The following LRRCC1 variants were observed in gnomAD, a reference collection of about 807,000 sequenced individuals.
The protein encoded by LRRCC1 is leucine rich repeat and coiled-coil centrosomal protein 1, also known as leucine-rich repeat and coiled-coil domain-containing protein 1.
LRRCC1 carries 115 observed loss-of-function variants against 126.0 expected under a neutral mutation model. The ratio of observed to expected loss-of-function variants is 0.91; its 90% confidence interval spans 0.78 to 1.07. The LOEUF (loss-of-function observed/expected upper bound fraction) is 1.07, where lower values mean the gene tolerates loss of function less well. Among genes scored for constraint, LRRCC1 ranks in the 50% least tolerant of loss-of-function variants. LRRCC1 has a pLI of 0.00. For synonymous variants in LRRCC1, 400 were observed against 393.4 expected (o/e 1.02, Z -0.20); for missense variants, 1,172 against 1,175.7 (o/e 1.00, Z 0.05).
At chr8:85,109,996 G>A (rs1043397432) in intron 2 of LRRCC1, 119 bp from the exon 3 acceptor site, 10 of 606,942 alleles carry the variant, frequency 1.6e-5, no homozygotes, top group East Asian at 3.0e-5. Context: ...AATTGATTTC[G>A]CTGTTACCAG....
chr8:85,136,091 G>C, intron 14 of LRRCC1, 128 bp downstream of exon 14: 4 of 696,422 alleles, frequency 5.7e-6, no homozygotes, highest in Middle Eastern at 3.8e-4. Context: ...TTATCTGGAA[G>C]GATAAGTAGG....
chr8:85,138,978 G>A (rs774335623), intron 17 of LRRCC1, among the ~76,000 whole-genome samples: 2 of 152,032 alleles, frequency 1.3e-5, no homozygotes, highest in East Asian at 1.9e-4. Context: ...GCCAGGAGGC[G>A]GAGGTTGCAG....
intron 11 of LRRCC1, 58 bp from the exon 12 acceptor site, chr8:85,131,702 A>T: frequency 7.4e-7 from 1 of 1,344,610 alleles, no homozygotes; most frequent in Non-Finnish European, 1.0e-6. Flanking sequence ...AAAGACCTTT[A>T]AAATGTTTCT....
chr8:85,118,082 A>G (rs1809258260), intron 6 of LRRCC1, among the ~76,000 whole-genome samples: 1 of 152,028 alleles, frequency 6.6e-6, no homozygotes, highest in South Asian at 2.1e-4. Flanking sequence ...TGTCTACCAT[A>G]TATTATTTAA....
In LRRCC1 at chr8:85,114,015, T is replaced by C. The variant is rs185429029; in HGVS notation, c.544+916T>C. 9.3e-4 allele frequency among the ~76,000 whole-genome samples: 142 copies of C among 152,240 alleles called. 1 individual carries two copies. The highest frequency in any genetic ancestry group is 6.8e-3 in the Middle Eastern group (2 of 294). ...AACTATAAGAAGGCTTTTTGCAGCA[T>C]GGAAACCTGTGTTGGTAATTTTATT... On this transcript the variant is annotated intron_variant, in intron 4 of 18. Transcript: ENST00000360375.
At chr8:85,114,303 T>C (rs1022610113) in intron 4 of LRRCC1, among the ~76,000 whole-genome samples, 1 of 151,984 alleles carries the variant, frequency 6.6e-6, no homozygotes, top group Admixed American at 6.5e-5. Context: ...TCACTTTTTT[T>C]CCTAAATTAG....
At position 85,124,912 on chromosome 8, in the gene LRRCC1, A is replaced by G; in HGVS notation, c.1245A>G (p.Gln415=). Residue 415 remains glutamine (Q), a synonymous_variant, in exon 8 of 19, where the codon CAA becomes CAG. Transcript: ENST00000360375. ...KPKTEIIKVD[Q]SHSEDNTYQS... The stretch of plus-strand genomic sequence containing the variant: ...AGACTGAAATAATTAAAGTAGACCA[A>G]AGTCACTCAGAAGACAACACTTACC... The G allele has an allele frequency of 6.2e-7, 1 of 1,605,742 alleles. No homozygotes were observed. The highest frequency in any genetic ancestry group is 8.5e-7 in the Non-Finnish European group (1 of 1,176,666).
intron 6 of LRRCC1, among the ~76,000 whole-genome samples, chr8:85,120,317 G>C (rs566020431): frequency 2.0e-5 from 3 of 151,696 alleles, no homozygotes; most frequent in African/African-American, 4.8e-5. Context: ...GAGGTGGGGG[G>C]GTTGATCTAG....
At position 85,109,688 on chromosome 8, in the gene LRRCC1, T is replaced by C; in HGVS notation, c.198T>C (p.Asn66=). ...SKIEAIDHIW[N]LQHLDLSSNQ... ...TCGAAGCCATTGATCATATTTGGAA[T>C]TTACAACATCTAGATCTGTCATCTA... The change falls in exon 2 of 19, where the codon AAT becomes AAC. Residue 66 remains asparagine, a synonymous_variant. Transcript: ENST00000360375. The C allele has an allele frequency of 6.2e-7, 1 of 1,608,130 alleles. No homozygotes were observed. The highest frequency in any genetic ancestry group is 8.5e-7 in the Non-Finnish European group (1 of 1,174,788).
At position 85,137,855 on chromosome 8, in the gene LRRCC1, T is replaced by C. The variant is rs560140302; in HGVS notation, c.2494-180T>C. On this transcript the variant is annotated intron_variant, in intron 15 of 18. Transcript: ENST00000360375. ...CTTCAGAATTTAATGGAGAATCTTA[T>C]TATGGCCTTTGGAATAACTGGAAAT... Among the ~76,000 whole-genome samples, 5 of 152,294 alleles carry C rather than the reference T, an allele frequency of 3.3e-5. No homozygotes were observed. In the South Asian group the frequency reaches 1.0e-3, roughly 32 times the overall value.
chr8:85,138,247 T>C lies in LRRCC1; in HGVS notation c.2702+4T>C. 1 of 1,597,482 alleles carries C rather than the reference T, an allele frequency of 6.3e-7. No individual in the cohort carries two copies. The highest frequency in any genetic ancestry group is 8.5e-7 in the Non-Finnish European group (1 of 1,171,616). On this transcript the variant is annotated splice_donor_region_variant and intron_variant, in intron 16 of 18. Coordinates refer to ENST00000360375, the MANE Select transcript of LRRCC1 (RefSeq NM_033402.5). ...AAGAAATCAGAAAAGCTTACAGGTA[T>C]TATATAGTACAGTATTTCCCACTGA...
rs538387366 is a variant in LRRCC1, at chr8:85,142,735, T to C, written c.2976+1218T>C. Among the ~76,000 whole-genome samples the C allele has an allele frequency of 4.0e-5, 6 of 149,108 alleles. No individual in the cohort carries two copies. The South Asian group carries it at 1.3e-3, about 31-fold the overall frequency. On this transcript the variant is annotated intron_variant, in intron 18 of 18. Coordinates refer to ENST00000360375, the MANE Select transcript of LRRCC1 (RefSeq NM_033402.5). ...GTCACAGCTATTTGGGAGGCTGAGG[T>C]CACAGGATCACTTGAGCCCTGGAGG...
Position 85,124,855 on chromosome 8 carries a change from C to T in LRRCC1, c.1188C>T (p.Asn396=). The change falls in exon 8 of 19, where the codon AAC becomes AAT. Residue 396 remains asparagine, a synonymous_variant. Coordinates refer to ENST00000360375, the MANE Select transcript of LRRCC1 (RefSeq NM_033402.5). ...KELYVSSSLA[N]CPMLQESEKP... The stretch of plus-strand genomic sequence containing the variant: ...TATATGTAAGCTCATCTTTAGCAAA[C>T]TGTCCTATGTTACAAGAATCAGAAA... 1.9e-6 allele frequency: 3 copies of T among 1,601,396 alleles called. No individual in the cohort carries two copies. Among genetic ancestry groups the T allele is most frequent in the Non-Finnish European group, 1.7e-6 (2 of 1,171,572 alleles).
chr8:85,108,341 T>C (rs190378452), intron 1 of LRRCC1, among the ~76,000 whole-genome samples: 2 of 152,362 alleles, frequency 1.3e-5, no homozygotes, highest in East Asian at 3.8e-4. Flanking sequence ...GTGCATGTTA[T>C]ATACATTATC....
At chr8:85,121,554 G>A (rs1809555314) in intron 6 of LRRCC1, among the ~76,000 whole-genome samples, 1 of 152,086 alleles carries the variant, frequency 6.6e-6, no homozygotes, top group African/African-American at 2.4e-5. Flanking sequence ...CAATTCTCCT[G>A]CCTCAGCATC....
At chr8:85,114,831 T>C (rs982022431) in intron 4 of LRRCC1, among the ~76,000 whole-genome samples, 11 of 152,130 alleles carry the variant, frequency 7.2e-5, no homozygotes, top group African/African-American at 2.7e-4. Context: ...TTTAAAGTAA[T>C]TTTTTAGAGA....
At position 85,145,532 on chromosome 8, in the gene LRRCC1, AT is replaced by A; in HGVS notation, c.*23del. ...TGTGATGGTTCTGAGAATGAATTTA[AT>A]TGAAATAGACCAGCAGACCTATTGT... On this transcript the variant is annotated 3_prime_UTR_variant, in exon 19 of 19. Transcript: ENST00000360375. 1.3e-6 allele frequency: 2 copies of A among 1,565,106 alleles called. No homozygotes were observed. The highest frequency in any genetic ancestry group is 1.7e-6 in the Non-Finnish European group (2 of 1,162,804).
At chr8:85,135,746 A>C in intron 13 of LRRCC1, 43 bp from the exon 14 acceptor site, 2 of 1,173,858 alleles carry the variant, frequency 1.7e-6, no homozygotes, top group South Asian at 2.9e-5. Flanking sequence ...AAAATAAAGC[A>C]CTTAATATAA....
rs1398281888 is a variant in LRRCC1, at chr8:85,141,465, T to C, written c.2924T>C (p.Ile975Thr). ...DAIVEAHQAE[I>T]AQLANEKQKC... ...ATTGTTGAAGCTCATCAAGCTGAAATAGCACAGCTGGCCAATGAAAAGCAG... is the reference window on the plus strand; with the variant it reads ...ATTGTTGAAGCTCATCAAGCTGAAACAGCACAGCTGGCCAATGAAAAGCAG... The change falls in exon 18 of 19, where the codon ATA becomes ACA. Residue 975 changes from isoleucine to threonine, a missense_variant. Transcript: ENST00000360375. 6.2e-7 allele frequency: 1 copy of C among 1,613,530 alleles called. No homozygotes were observed. The highest frequency in any genetic ancestry group is 1.7e-5 in the Admixed American group (1 of 59,974).
Sources: allele counts gnomAD v4.1 joint callset (sites outside exome capture counted in the v4.1 genomes callset), GRCh38; gene constraint gnomAD v4.1.1; transcripts MANE v1.5; gene names NCBI Gene and HGNC (gene_info 2026-07-23, HGNC 2026-07-21).